The following SORBS2 variants were observed in gnomAD, a reference collection of about 807,000 sequenced individuals.
The protein encoded by SORBS2 is sorbin and SH3 domain containing 2.
A neutral mutation model predicts 97.7 loss-of-function variants in SORBS2; 46 were observed. The observed-to-expected ratio is 0.47, with a 90% CI of 0.37 to 0.60. The LOEUF is 0.60. SORBS2 is among the 20% of genes least tolerant of loss of function. SORBS2 has a pLI of 0.00. For missense variants in SORBS2, 1,316 were observed against 1,282.3 expected, an observed-to-expected ratio of 1.03 and a Z score of -0.40; for synonymous variants, 476 against 473.4, an observed-to-expected ratio of 1.01 and a Z score of -0.07.
At chr4:185,896,456 C>T (rs112380402) in intron 1 of SORBS2, among the ~76,000 whole-genome samples, 21 of 152,208 alleles carry the variant, frequency 1.4e-4, no homozygotes, top group African/African-American at 4.1e-4. Flanking sequence ...TGTTGGTGCA[C>T]GCCTGTAATC....
chr4:185,829,188 C>T (rs1487390310), intron 1 of SORBS2, among the ~76,000 whole-genome samples: 1 of 152,170 alleles, frequency 6.6e-6, no homozygotes, highest in Non-Finnish European at 1.5e-5. Flanking sequence ...AATCATCATA[C>T]TCTTGCTGTT....
At chr4:185,706,570 C>G (rs936861776) in intron 2 of SORBS2, among the ~76,000 whole-genome samples, 6 of 152,168 alleles carry the variant, frequency 3.9e-5, no homozygotes, top group Non-Finnish European at 5.9e-5. Context: ...TACACACCAA[C>G]CATCTAAAGC....
At chr4:185,736,898 T>A (rs1450286157) in intron 2 of SORBS2, among the ~76,000 whole-genome samples, 1 of 152,214 alleles carries the variant, frequency 6.6e-6, no homozygotes, top group Non-Finnish European at 1.5e-5. Context: ...TGCTCCATTT[T>A]ACCTAACAAT....
intron 2 of SORBS2, among the ~76,000 whole-genome samples, chr4:185,701,985 G>T (rs1367719450): frequency 6.6e-6 from 1 of 152,030 alleles, no homozygotes; most frequent in African/African-American, 2.4e-5. Flanking sequence ...TGGCCAGGAT[G>T]GTCTAGATCT....
intron 4 of SORBS2, among the ~76,000 whole-genome samples, chr4:185,669,323 C>T (rs79802625): frequency 0.22 from 32,841 of 152,120 alleles, 3,657 homozygotes; most frequent in Admixed American, 0.26. Flanking sequence ...CCCCTCAAGG[C>T]GGGCGTCATT....
chr4:185,748,625 T>A (rs2098779408), intron 2 of SORBS2, among the ~76,000 whole-genome samples: 1 of 152,256 alleles, frequency 6.6e-6, no homozygotes, highest in Non-Finnish European at 1.5e-5. Flanking sequence ...ATTTTGCATC[T>A]GCAGTTTTGC....
At chr4:185,928,307 G>A (rs1009406249) in intron 1 of SORBS2, among the ~76,000 whole-genome samples, 1 of 152,140 alleles carries the variant, frequency 6.6e-6, no homozygotes, top group Non-Finnish European at 1.5e-5. Flanking sequence ...GGGAGGCTGA[G>A]GCGGGAGGAT....
intron 4 of SORBS2, among the ~76,000 whole-genome samples, chr4:185,676,589 T>C (rs1324539437): frequency 6.6e-6 from 1 of 152,238 alleles, no homozygotes; most frequent in Non-Finnish European, 1.5e-5. Flanking sequence ...GACAATTATC[T>C]GAAGAGGTTT....
At chr4:185,728,358 T>A (rs1447142666) in intron 2 of SORBS2, among the ~76,000 whole-genome samples, 1 of 152,196 alleles carries the variant, frequency 6.6e-6, no homozygotes, top group East Asian at 1.9e-4. Flanking sequence ...CAAAAACCCC[T>A]GTATTTCTGG....
At chr4:185,693,023 G>A (rs915994334) in intron 2 of SORBS2, among the ~76,000 whole-genome samples, 5 of 152,118 alleles carry the variant, frequency 3.3e-5, no homozygotes, top group Non-Finnish European at 7.4e-5. Context: ...TCATATCGTT[G>A]TCCGTCTGCC....
At chr4:185,831,631 A>T (rs1421690673) in intron 1 of SORBS2, among the ~76,000 whole-genome samples, 1 of 152,184 alleles carries the variant, frequency 6.6e-6, no homozygotes, top group Non-Finnish European at 1.5e-5. Flanking sequence ...ATGAAGGGTT[A>T]CTAAGTTTTT....
chr4:185,863,623 CCTT>C (rs1173508014), intron 1 of SORBS2, among the ~76,000 whole-genome samples: 1 of 152,082 alleles, frequency 6.6e-6, no homozygotes, highest in African/African-American at 2.4e-5. Flanking sequence ...CATTTATCAT[CCTT>C]CTTCTTGTTT....
chr4:185,624,636 G>A (rs953898438), intron 6 of SORBS2, 142 bp from the exon 19 acceptor site: 18 of 829,604 alleles, frequency 2.2e-5, no homozygotes, highest in Non-Finnish European at 2.7e-5. Context: ...GGTGCTGATT[G>A]TTCACACATG....
At chr4:185,628,063 A>T (rs183441939) in intron 5 of SORBS2, among the ~76,000 whole-genome samples, 5 of 152,306 alleles carry the variant, frequency 3.3e-5, no homozygotes, top group African/African-American at 1.2e-4. Context: ...GATGCGCCAC[A>T]GTTTATGTAT....
chr4:185,711,314 C>T lies in SORBS2; in HGVS notation c.-197-32492G>A, dbSNP rs76609277. On this transcript the variant is annotated intron_variant, in intron 2 of 20. Transcript: ENST00000284776. The stretch of plus-strand genomic sequence containing the variant: ...CCCTGACATGAGACTCTTAACCAGG[C>T]CATTTTACAACCAATTTCATGCATT... Among the ~76,000 whole-genome samples the T allele has an allele frequency of 1.2e-4, 19 of 152,218 alleles. No homozygotes were observed. In the East Asian group the frequency reaches 3.7e-3, roughly 29 times the overall value.
At chr4:185,791,458 T>C (rs1177566217) in intron 1 of SORBS2, among the ~76,000 whole-genome samples, 2 of 152,024 alleles carry the variant, frequency 1.3e-5, no homozygotes, top group East Asian at 1.9e-4. Flanking sequence ...AAAACCTAGC[T>C]CACAGTGGAG....
intron 1 of SORBS2, among the ~76,000 whole-genome samples, chr4:185,799,365 A>G (rs1191278451): frequency 6.6e-6 from 1 of 152,258 alleles, no homozygotes; most frequent in East Asian, 1.9e-4. Flanking sequence ...TGAGATGCCC[A>G]GTGACATTGG....
At chr4:185,950,825 T>C (rs933275320) in intron 1 of SORBS2, among the ~76,000 whole-genome samples, 1 of 152,154 alleles carries the variant, frequency 6.6e-6, no homozygotes, top group South Asian at 2.1e-4. Flanking sequence ...ATCTGCTCTT[T>C]TGGGGTTGAG....
chr4:185,792,846 T>C (rs2153648526), intron 1 of SORBS2, among the ~76,000 whole-genome samples: 1 of 152,276 alleles, frequency 6.6e-6, no homozygotes, highest in Admixed American at 6.5e-5. Flanking sequence ...TAGAAAACTG[T>C]TGACAGTGCA....
Sources: gnomAD v4.1 joint callset for allele counts (sites outside exome capture counted in the v4.1 genomes callset) on GRCh38, gnomAD v4.1.1 for gene constraint, MANE v1.5 for transcripts, NCBI Gene and HGNC (gene_info 2026-07-23, HGNC 2026-07-21) for gene names.